Variants in DPP6 observed in about 807,000 individuals in gnomAD.
DPP6 encodes the protein A-type potassium channel modulatory protein DPP6.
DPP6 carries 69 observed loss-of-function variants against 122.6 expected under a neutral mutation model. The ratio of observed to expected loss-of-function variants is 0.56; its 90% CI spans 0.46 to 0.69. The LOEUF is 0.69. Among genes scored for constraint, DPP6 ranks in the 30% least tolerant of loss-of-function variants. DPP6 has a pLI of 0.00. For synonymous variants in DPP6, 418 were observed against 433.1 expected (o/e 0.97, Z 0.43); for missense variants, 928 against 1,116.9 (o/e 0.83, Z 2.41).
chr7:153,867,381 G>A, the DPP6 span, among the ~76,000 whole-genome samples: 3 of 152,080 alleles, frequency 2.0e-5, no homozygotes, highest in African/African-American at 7.2e-5. Flanking sequence ...TTGTAAATTG[G>A]ATTCCTAAGT....
At chr7:153,955,804 A>T in intron 1 of DPP6, among the ~76,000 whole-genome samples, 1 of 152,250 alleles carries the variant, frequency 6.6e-6, no homozygotes, top group East Asian at 1.9e-4. Flanking sequence ...AAGGTCACAC[A>T]GTGGTAAATG....
rs558847917 is a variant in DPP6 at position 154,193,077 on chromosome 7, T to A, written c.243+140014T>A. Among the ~76,000 whole-genome samples the A allele has an allele frequency of 3.3e-5, 5 of 152,388 alleles. No individual in the cohort carries two copies. The South Asian group carries it at 1.0e-3, about 32-fold the overall frequency. On this transcript the variant is annotated intron_variant, in intron 1 of 25. Coordinates refer to ENST00000377770, the MANE Select transcript of DPP6 (RefSeq NM_130797.4). Reference sequence around the variant, plus strand: ...GGTTCTTGGGCCTTTTCACTTGCTATTGCCATGGAAGAGCCAACAAACTAT... The same window carrying A: ...GGTTCTTGGGCCTTTTCACTTGCTAATGCCATGGAAGAGCCAACAAACTAT...
intron 5 of DPP6, among the ~76,000 whole-genome samples, chr7:154,625,833 C>G (rs1224854127): frequency 6.6e-6 from 1 of 152,228 alleles, no homozygotes. Flanking sequence ...ACAATTCATC[C>G]CATCTCCCAG....
At chr7:154,383,185 G>A (rs780196898) in intron 1 of DPP6, among the ~76,000 whole-genome samples, 1 of 152,166 alleles carries the variant, frequency 6.6e-6, no homozygotes, top group Non-Finnish European at 1.5e-5. Flanking sequence ...CAAGGCCCAG[G>A]GTGCACAATC....
chr7:154,777,980 C>T lies in DPP6; in HGVS notation c.1136+5038C>T, dbSNP rs541991490. Among the ~76,000 whole-genome samples the T allele has an allele frequency of 3.9e-5, 6 of 152,322 alleles. No homozygotes were observed. The South Asian group carries it at 1.2e-3, about 32-fold the overall frequency. ...GCAGCTCCTGGCACAGAAGCATGGTCGGTCCATGCAGGCCTCTCTCATTTT... is the reference window on the plus strand; with the variant it reads ...GCAGCTCCTGGCACAGAAGCATGGTTGGTCCATGCAGGCCTCTCTCATTTT... On this transcript the variant is annotated intron_variant, in intron 10 of 25. Coordinates refer to ENST00000377770, the MANE Select transcript of DPP6 (RefSeq NM_130797.4).
At chr7:154,305,141 G>A in intron 1 of DPP6, 2 of 657,792 alleles carry the variant, frequency 3.0e-6, no homozygotes, top group Non-Finnish European at 3.8e-6. Flanking sequence ...GGAGGCGGGC[G>A]AGGAGGCAGC....
chr7:153,985,064 A>C, intron 1 of DPP6, among the ~76,000 whole-genome samples: 1 of 152,222 alleles, frequency 6.6e-6, no homozygotes, highest in East Asian at 1.9e-4. Context: ...GATAGAGATT[A>C]AGATCCAGGC....
rs6950921 is a variant in DPP6, at chr7:154,877,760, C to T, written c.2078+1660C>T. Among the ~76,000 whole-genome samples, 14,966 of 152,240 alleles carry T rather than the reference C, an allele frequency of 0.098. 1,701 individuals carry two copies. The highest frequency in any genetic ancestry group is 0.25 in the African/African-American group (10,512 of 41,494). ...TGGCCCTCCCCTGCCCATTCCAGAA[C>T]CTGCCACCAGTGAGACAGGTGCAGG... On this transcript the variant is annotated intron_variant, in intron 20 of 25. Coordinates refer to ENST00000377770, the MANE Select transcript of DPP6 (RefSeq NM_130797.4). The surrounding 1 kb of genome is among the most constrained non-coding windows in gnomAD (Gnocchi z 5.2).
intron 12 of DPP6, among the ~76,000 whole-genome samples, chr7:154,800,592 CGACA>C (rs2150446573): frequency 6.6e-6 from 1 of 152,284 alleles, no homozygotes; most frequent in Admixed American, 6.5e-5. Flanking sequence ...GAGATGGTGG[CGACA>C]CCTGCCCTAA....
rs1361917745 is a variant in DPP6 at position 153,985,874 on chromosome 7, T to C, written c.51+98140T>C. ...AAAATCTAACTATGAAAAAGAAAAC[T>C]CTTTATTTCAAATCTATACTTGGGC... On this transcript the variant is annotated intron_variant, in intron 1 of 25. Transcript: ENST00000404039. Among the ~76,000 whole-genome samples, 10 of 152,192 alleles carry C rather than the reference T, an allele frequency of 6.6e-5. No individual in the cohort carries two copies. In the East Asian group the frequency reaches 1.9e-3, roughly 29 times the overall value.
chr7:153,757,630 C>T, the DPP6 span, among the ~76,000 whole-genome samples: 7 of 152,290 alleles, frequency 4.6e-5, no homozygotes, highest in South Asian at 8.3e-4. Flanking sequence ...TTCAGGGTCA[C>T]GTCAAGCTCC....
the DPP6 span, among the ~76,000 whole-genome samples, chr7:153,770,559 G>A: frequency 6.6e-6 from 1 of 152,182 alleles, no homozygotes; most frequent in African/African-American, 2.4e-5. Context: ...CAATTTCCAA[G>A]CACAAAACTG....
chr7:154,836,788 C>T (rs1276755250), intron 16 of DPP6, among the ~76,000 whole-genome samples: 2 of 152,158 alleles, frequency 1.3e-5, no homozygotes, highest in African/African-American at 2.4e-5. Context: ...CTCACTGAAA[C>T]GTCCACCTCC....
intron 1 of DPP6, among the ~76,000 whole-genome samples, chr7:154,122,077 A>G (rs1318372476): frequency 6.6e-6 from 1 of 152,250 alleles, no homozygotes; most frequent in African/African-American, 2.4e-5. Context: ...AGAAATTTGC[A>G]TGTAAAGCTA....
the DPP6 span, among the ~76,000 whole-genome samples, chr7:153,754,992 A>G: frequency 1.3e-5 from 2 of 152,024 alleles, no homozygotes; most frequent in African/African-American, 4.8e-5. Flanking sequence ...TAATTCTAAC[A>G]TCTGAGCCTT....
At chr7:153,792,994 G>A in the DPP6 span, among the ~76,000 whole-genome samples, 429 of 152,108 alleles carry the variant, frequency 2.8e-3, no homozygotes, top group African/African-American at 1.0e-2. Flanking sequence ...GAGGCCTCCC[G>A]CCAGCCATGT....
intron 2 of DPP6, among the ~76,000 whole-genome samples, chr7:154,469,497 C>T (rs1822076364): frequency 6.6e-6 from 1 of 152,192 alleles, no homozygotes. Flanking sequence ...ACCATCTCAG[C>T]TCTGACCTAT....
intron 7 of DPP6, among the ~76,000 whole-genome samples, chr7:154,695,158 G>A (rs902714351): frequency 1.6e-4 from 25 of 152,176 alleles, no homozygotes; most frequent in African/African-American, 4.8e-4. Context: ...ACAGATTTGG[G>A]GTAGCAGCCA....
intron 1 of DPP6, chr7:154,305,339 C>G: frequency 3.3e-6 from 2 of 613,674 alleles, no homozygotes; most frequent in Non-Finnish European, 4.1e-6. Context: ...CTTGTCTACC[C>G]ACCCTCCCTC....
Sources: allele counts gnomAD v4.1 joint callset (sites outside exome capture counted in the v4.1 genomes callset), GRCh38; gene constraint gnomAD v4.1.1; non-coding constraint Gnocchi (gnomAD v3.1); transcripts MANE v1.5; gene names NCBI Gene and HGNC (gene_info 2026-07-23, HGNC 2026-07-21).